PKN2: variants seen among roughly 807,000 people sequenced by gnomAD.
The protein encoded by PKN2 is protein kinase N2.
Under a neutral mutation model 119.1 loss-of-function variants are expected in PKN2, and 38 were observed. The observed-to-expected ratio is 0.32, with a 90% CI of 0.25 to 0.42. The LOEUF (loss-of-function observed/expected upper bound fraction) is 0.42. PKN2 is among the 10% of genes least tolerant of loss of function. The pLI is 1.00. For missense variants in PKN2, 850 were observed against 1,165.1 expected (o/e 0.73, Z 3.94); for synonymous variants, 390 against 384.9 (o/e 1.01, Z -0.15).
intron 2 of PKN2, among the ~76,000 whole-genome samples, chr1:88,742,517 A>T (rs2100747556): frequency 6.6e-6 from 1 of 152,268 alleles, no homozygotes; most frequent in East Asian, 1.9e-4. Flanking sequence ...GATTGAAATA[A>T]TCCCAAAGAT....
Position 88,786,271 on chromosome 1 carries a change from A to G in PKN2, c.1281+58A>G, listed in dbSNP as rs1392883881. 4 of 892,010 alleles carry G rather than the reference A, an allele frequency of 4.5e-6. No individual in the cohort carries two copies. In the East Asian group the frequency reaches 1.0e-4, roughly 23 times the overall value. The allele number at this position is 892,010 out of a possible 1,614,324, so 55.3% of individuals were successfully genotyped here. Reference sequence around the variant, plus strand: ...TTATAATTCATTTTAAATGTGAGTTATATTTTTTAGAAGGCTTCAACAAGT... The same window carrying G: ...TTATAATTCATTTTAAATGTGAGTTGTATTTTTTAGAAGGCTTCAACAAGT... On this transcript the variant is annotated intron_variant, in intron 8 of 21. Coordinates refer to ENST00000370521, the MANE Select transcript of PKN2 (RefSeq NM_006256.4).
At chr1:88,827,848 T>G (rs1239054514) in intron 18 of PKN2, among the ~76,000 whole-genome samples, 1 of 151,884 alleles carries the variant, frequency 6.6e-6, no homozygotes, top group Non-Finnish European at 1.5e-5. Flanking sequence ...ACCTCCCGAG[T>G]AGCTGAGATT....
intron 2 of PKN2, among the ~76,000 whole-genome samples, chr1:88,756,272 C>A (rs1303587092): frequency 6.6e-6 from 1 of 152,094 alleles, no homozygotes; most frequent in Non-Finnish European, 1.5e-5. Flanking sequence ...AAATTGTAAT[C>A]TTTTTGTATA....
chr1:88,808,981 A>G (rs1671673402), intron 15 of PKN2, among the ~76,000 whole-genome samples: 1 of 152,220 alleles, frequency 6.6e-6, no homozygotes, highest in Admixed American at 6.5e-5. Context: ...ACTTGCCTTA[A>G]TGAGTTGTCT....
chr1:88,701,535 C>T (rs1666769387), intron 1 of PKN2, among the ~76,000 whole-genome samples: 1 of 152,144 alleles, frequency 6.6e-6, no homozygotes, highest in Admixed American at 6.6e-5. Context: ...AAACAAAAAA[C>T]AGCAAAGCAT....
intron 15 of PKN2, among the ~76,000 whole-genome samples, chr1:88,811,106 T>C (rs1671766149): frequency 6.6e-6 from 1 of 152,228 alleles, no homozygotes; most frequent in South Asian, 2.1e-4. Flanking sequence ...TCTGTGTACC[T>C]ACCATTAGTA....
chr1:88,792,853 C>T (rs75459919), intron 8 of PKN2, among the ~76,000 whole-genome samples: 6,054 of 152,202 alleles, frequency 0.04, 281 homozygotes, highest in African/African-American at 0.1. Flanking sequence ...TTCTTGGGAG[C>T]GCTTCCAGCA....
At chr1:88,700,135 A>G (rs931709489) in intron 1 of PKN2, among the ~76,000 whole-genome samples, 2 of 151,636 alleles carry the variant, frequency 1.3e-5, no homozygotes, top group African/African-American at 4.9e-5. Flanking sequence ...TATGTACTAC[A>G]TTATCTAGTC....
chr1:88,684,595 C>G lies in PKN2; in HGVS notation c.15C>G (p.Pro5=). The G allele has an allele frequency of 6.4e-7, 1 of 1,561,682 alleles. No homozygotes were observed. Among genetic ancestry groups the G allele is most frequent in the Non-Finnish European group, 8.7e-7 (1 of 1,154,248 alleles). The part of the protein sequence containing the change: MASN[P]ERGEILLTEL... Reference sequence around the variant, plus strand: ...ACCGGAGCGCAATGGCGTCCAACCCCGAACGGGGGGAGATTCTGCTCACGG... The same window carrying G: ...ACCGGAGCGCAATGGCGTCCAACCCGGAACGGGGGGAGATTCTGCTCACGG... Residue 5 remains proline, a synonymous_variant, in exon 1 of 22, where the codon CCC becomes CCG. Coordinates refer to ENST00000370521, the MANE Select transcript of PKN2 (RefSeq NM_006256.4).
intron 2 of PKN2, among the ~76,000 whole-genome samples, chr1:88,759,713 A>G (rs4656065): frequency 0.51 from 77,296 of 151,932 alleles, 20,362 homozygotes; most frequent in Middle Eastern, 0.7. Context: ...TTTTGTTGCA[A>G]TTGCTTCAGA....
chr1:88,765,355 G>T (rs1669625739), intron 3 of PKN2, among the ~76,000 whole-genome samples: 1 of 151,614 alleles, frequency 6.6e-6, no homozygotes, highest in African/African-American at 2.4e-5. Context: ...TAAAATTTGG[G>T]GTTCTTACTA....
At chr1:88,808,735 T>C (rs1283010030) in intron 15 of PKN2, among the ~76,000 whole-genome samples, 1 of 152,212 alleles carries the variant, frequency 6.6e-6, no homozygotes, top group East Asian at 1.9e-4. Flanking sequence ...ATGGCATATT[T>C]ATCACAGAAA....
At chr1:88,711,686 A>G (rs965228805) in intron 1 of PKN2, among the ~76,000 whole-genome samples, 1 of 152,220 alleles carries the variant, frequency 6.6e-6, no homozygotes, top group South Asian at 2.1e-4. Context: ...GAATGCTTAT[A>G]AAGAAAGTTT....
Position 88,741,260 on chromosome 1 carries a change from T to C in PKN2, c.321T>C (p.Ile107=), listed in dbSNP as rs765480716. Residue 107 remains isoleucine, a synonymous_variant, in exon 2 of 22, where the codon ATT becomes ATC. Coordinates refer to ENST00000370521, the MANE Select transcript of PKN2 (RefSeq NM_006256.4). The part of the protein sequence containing the change: ...HHKLQELNAH[I]VVSDPEDITD... ...AGCTGCAGGAATTAAATGCACATAT[T>C]GTTGTATCAGATCCAGAAGATATTA... 1.4e-5 allele frequency: 23 copies of C among 1,588,744 alleles called. 1 individual carries two copies. The South Asian group carries it at 2.7e-4, about 19-fold the overall frequency.
Position 88,795,842 on chromosome 1 carries a change from G to A in PKN2, c.1282-8549G>A, listed in dbSNP as rs1438013329. On this transcript the variant is annotated intron_variant, in intron 8 of 21. Transcript: ENST00000370521. ...GCATATCACAATAATAATAAAAGGC[G>A]ACATATTGAGATTGACTTATGTACT... 5.3e-5 allele frequency among the ~76,000 whole-genome samples: 8 copies of A among 152,238 alleles called. No individual in the cohort carries two copies. The East Asian group carries it at 5.8e-4, about 11-fold the overall frequency.
At chr1:88,709,560 G>T (rs1462992032) in intron 1 of PKN2, among the ~76,000 whole-genome samples, 1 of 152,064 alleles carries the variant, frequency 6.6e-6, no homozygotes, top group Non-Finnish European at 1.5e-5. Flanking sequence ...TTGTTTACAG[G>T]ATTCAAAATG....
At chr1:88,801,117 C>T (rs1345002407) in intron 8 of PKN2, among the ~76,000 whole-genome samples, 1 of 152,216 alleles carries the variant, frequency 6.6e-6, no homozygotes, top group South Asian at 2.1e-4. Context: ...GGCACAGTGG[C>T]TCACGACTGT....
At chr1:88,777,110 C>T (rs936812934) in intron 6 of PKN2, among the ~76,000 whole-genome samples, 2 of 152,052 alleles carry the variant, frequency 1.3e-5, no homozygotes, top group African/African-American at 2.4e-5. Context: ...TCTTTCTGCT[C>T]TTAAGACTAG....
intron 1 of PKN2, among the ~76,000 whole-genome samples, chr1:88,708,011 A>G (rs1667068648): frequency 6.6e-6 from 1 of 152,150 alleles, no homozygotes; most frequent in Non-Finnish European, 1.5e-5. Context: ...ATTGGACAGT[A>G]TTAGTAGTAT....
Sources: gnomAD v4.1 joint callset for allele counts (sites outside exome capture counted in the v4.1 genomes callset) on GRCh38, gnomAD v4.1.1 for gene constraint, MANE v1.5 for transcripts, NCBI Gene and HGNC (gene_info 2026-07-23, HGNC 2026-07-21) for gene names.